Variants in GOLGA1 observed in about 807,000 individuals in gnomAD.
GOLGA1 encodes the protein golgin A1.
In GOLGA1, 63 loss-of-function variants were observed where a neutral mutation model predicts 119.7. That is an observed-to-expected ratio of 0.53 (90% CI 0.43 to 0.65). The LOEUF is 0.65. Among genes scored for constraint, GOLGA1 ranks in the 30% least tolerant of loss-of-function variants. GOLGA1 has a pLI of 0.00. For missense variants in GOLGA1, 798 were observed against 912.8 expected (o/e 0.87, Z 1.62); for synonymous variants, 318 against 333.4 (o/e 0.95, Z 0.50).
In GOLGA1 at chr9:124,881,729, G is replaced by T; in HGVS notation, c.2136+55C>A. On this transcript the variant is annotated intron_variant, in intron 21 of 22. Coordinates refer to ENST00000373555, the MANE Select transcript of GOLGA1 (RefSeq NM_002077.4). This position sits in a 1 kb window ranked among gnomAD's most constrained non-coding sequence, Gnocchi z 4.9. ...AGGGGCTGGGCAGGGGTCCCTGCAG[G>T]ACAGACTGTAGGGCGGGGCCTCAAT... 8.2e-7 allele frequency: 1 copy of T among 1,226,460 alleles called. No individual in the cohort carries two copies. Among genetic ancestry groups the T allele is most frequent in the Non-Finnish European group, 1.2e-6 (1 of 852,982 alleles). 76.0% of individuals were successfully genotyped at this position (1,226,460 alleles called of 1,614,324 possible).
At chr9:124,911,452 T>C (rs1011129049) in intron 11 of GOLGA1, among the ~76,000 whole-genome samples, 10 of 152,216 alleles carry the variant, frequency 6.6e-5, no homozygotes, top group African/African-American at 2.4e-4. Flanking sequence ...AAAGTTCCCT[T>C]GCACCACTGG....
chr9:124,947,965 A>C (rs2131562010), exon 1 of GOLGA1: 1 of 152,312 alleles, frequency 6.6e-6, no homozygotes, highest in Non-Finnish European at 1.5e-5. Context: ...CAGGCTGATT[A>C]CAAGTCTCCA....
intron 7 of GOLGA1, among the ~76,000 whole-genome samples, chr9:124,925,485 G>A (rs1160291770): frequency 6.6e-6 from 1 of 151,958 alleles, no homozygotes; most frequent in East Asian, 1.9e-4. Flanking sequence ...GGGAGGCCAG[G>A]CAGGAGGATC....
At chr9:124,937,119 A>G (rs1200992570) in intron 3 of GOLGA1, among the ~76,000 whole-genome samples, 5 of 152,192 alleles carry the variant, frequency 3.3e-5, no homozygotes, top group Non-Finnish European at 4.4e-5. Context: ...TATATTACAT[A>G]CATTCTTTTA....
At chr9:124,901,890 T>C (rs1830112598) in intron 12 of GOLGA1, among the ~76,000 whole-genome samples, 1 of 152,180 alleles carries the variant, frequency 6.6e-6, no homozygotes, top group African/African-American at 2.4e-5. Context: ...ATTCCACAAA[T>C]ACTGAGCAAG....
intron 15 of GOLGA1, among the ~76,000 whole-genome samples, chr9:124,894,325 T>C (rs1191761144): frequency 6.6e-6 from 1 of 152,204 alleles, no homozygotes; most frequent in Non-Finnish European, 1.5e-5. Flanking sequence ...GATAGCCATT[T>C]GGCTGTAATT....
At chr9:124,943,849 T>A (rs1428768834), upstream of GOLGA1, 1 of 152,194 alleles carries the variant, frequency 6.6e-6, no homozygotes, top group Non-Finnish European at 1.5e-5. Flanking sequence ...TAAAGTGTCC[T>A]GAAATTACAA....
At chr9:124,909,293 C>T (rs1441330814) in intron 11 of GOLGA1, among the ~76,000 whole-genome samples, 1 of 151,202 alleles carries the variant, frequency 6.6e-6, no homozygotes, top group Non-Finnish European at 1.5e-5. Flanking sequence ...GCCTGGGTGA[C>T]AGAGTGAGAC....
intron 12 of GOLGA1, among the ~76,000 whole-genome samples, chr9:124,907,118 T>C (rs1368171385): frequency 3.3e-5 from 5 of 152,150 alleles, no homozygotes; most frequent in African/African-American, 9.7e-5. Flanking sequence ...GATATCACTA[T>C]AGTAATAAAA....
chr9:124,947,469 G>C (rs1831163674), intron 1 of GOLGA1: 1 of 151,748 alleles, frequency 6.6e-6, no homozygotes, highest in African/African-American at 2.4e-5. Context: ...CCAAACACAA[G>C]CCTCTCAAAA....
chr9:124,932,192 T>C (rs1237453658), intron 3 of GOLGA1, among the ~76,000 whole-genome samples: 2 of 152,228 alleles, frequency 1.3e-5, no homozygotes, highest in East Asian at 3.8e-4. Flanking sequence ...CATCATGGCA[T>C]TTCATCCTAA....
In GOLGA1 at chr9:124,921,187, T is replaced by C; in HGVS notation, c.785A>G (p.Glu262Gly). Residue 262 changes from glutamate (E) to glycine (G), a missense_variant, in exon 10 of 23, where the codon GAA (glutamate) becomes GGA (glycine). Coordinates refer to ENST00000373555, the MANE Select transcript of GOLGA1 (RefSeq NM_002077.4). Reference sequence around the variant, plus strand: ...TGCTTGGAGCTCTTGTTCCTTTTGTTCCAGGGCTGTGATCTTACTTTCTGC... The same window carrying C: ...TGCTTGGAGCTCTTGTTCCTTTTGTCCCAGGGCTGTGATCTTACTTTCTGC... The part of the protein sequence containing the change: ...TGAESKITAL[E>G]QKEQELQALI... 6.2e-7 allele frequency: 1 copy of C among 1,613,584 alleles called. No homozygotes were observed. The highest frequency in any genetic ancestry group is 8.5e-7 in the Non-Finnish European group (1 of 1,179,494).
intron 3 of GOLGA1, among the ~76,000 whole-genome samples, chr9:124,936,688 C>A (rs1421367910): frequency 2.6e-5 from 4 of 152,098 alleles, no homozygotes; most frequent in Non-Finnish European, 4.4e-5. Context: ...TGGCCTCAAG[C>A]AGTCCTTCCG....
chr9:124,886,303 C>T (rs1211581666), intron 19 of GOLGA1, among the ~76,000 whole-genome samples: 1 of 151,992 alleles, frequency 6.6e-6, no homozygotes, highest in Non-Finnish European at 1.5e-5. Flanking sequence ...TTGTGCACGG[C>T]GGGTGGCAGT....
At chr9:124,895,554 A>G (rs968352144) in intron 15 of GOLGA1, among the ~76,000 whole-genome samples, 2 of 151,390 alleles carry the variant, frequency 1.3e-5, no homozygotes, top group Non-Finnish European at 2.9e-5. Context: ...AACCATCCAC[A>G]ACAGAGACCC....
At chr9:124,942,546 A>G (rs1831072022), upstream of GOLGA1, 1 of 152,258 alleles carries the variant, frequency 6.6e-6, no homozygotes, top group Non-Finnish European at 1.5e-5. Flanking sequence ...AAAGCCTCTG[A>G]GATATTTGAA....
At chr9:124,937,286 T>G (rs1225102804) in intron 3 of GOLGA1, among the ~76,000 whole-genome samples, 3 of 152,086 alleles carry the variant, frequency 2.0e-5, no homozygotes, top group Admixed American at 2.0e-4. Context: ...ACTCTGTCTC[T>G]ACTAAAAATA....
At chr9:124,898,983 CCT>C (rs375672250) in intron 14 of GOLGA1, among the ~76,000 whole-genome samples, 76 of 152,044 alleles carry the variant, frequency 5.0e-4, no homozygotes, top group Middle Eastern at 3.4e-3. Flanking sequence ...ATCCCTTGAG[CCT>C]AGGCGTTCAA....
intron 19 of GOLGA1, 86 bp from the exon 20 acceptor site, chr9:124,882,655 C>T: frequency 9.7e-7 from 1 of 1,035,150 alleles, no homozygotes; most frequent in Non-Finnish European, 1.5e-6. Context: ...CACGGGATCC[C>T]CTGTACACCT....
Sources: gnomAD v4.1 joint callset for allele counts (sites outside exome capture counted in the v4.1 genomes callset) on GRCh38, gnomAD v4.1.1 for gene constraint, Gnocchi (gnomAD v3.1) non-coding constraint, MANE v1.5 for transcripts, NCBI Gene and HGNC (gene_info 2026-07-23, HGNC 2026-07-21) for gene names.